The following KCNT2 variants were observed in gnomAD, a reference collection of about 807,000 sequenced individuals.
KCNT2 encodes potassium sodium-activated channel subfamily T member 2.
Under a neutral mutation model 153.8 loss-of-function variants are expected in KCNT2, and 67 were observed. The observed-to-expected ratio is 0.44, with a 90% confidence interval of 0.36 to 0.53. The LOEUF is 0.53. Ranked by LOEUF, KCNT2 falls within the 20% of genes least tolerant of loss-of-function variation. The pLI is 0.00. For missense variants in KCNT2, 975 were observed against 1,354.8 expected, an observed-to-expected ratio of 0.72 and a Z score of 4.40; for synonymous variants, 500 against 458.8, an observed-to-expected ratio of 1.09 and a Z score of -1.15.
chr1:196,445,095 A>G (rs1242821829), intron 8 of KCNT2, among the ~76,000 whole-genome samples: 1 of 151,448 alleles, frequency 6.6e-6, no homozygotes, highest in Non-Finnish European at 1.5e-5. Context: ...TGTATATCCA[A>G]GAAATAATAT....
intron 1 of KCNT2, among the ~76,000 whole-genome samples, chr1:196,500,804 C>A (rs1201722537): frequency 1.3e-5 from 2 of 152,120 alleles, no homozygotes; most frequent in African/African-American, 4.8e-5. Flanking sequence ...ATGCATCCAA[C>A]AAAGGGCTAA....
chr1:196,244,968 T>C (rs761073031), intron 26 of KCNT2, among the ~76,000 whole-genome samples: 1 of 152,112 alleles, frequency 6.6e-6, no homozygotes, highest in Non-Finnish European at 1.5e-5. Context: ...GGTGCTTGTG[T>C]TATCCCTTCC....
At chr1:196,321,750 G>T (rs1663335571) in intron 19 of KCNT2, among the ~76,000 whole-genome samples, 1 of 151,712 alleles carries the variant, frequency 6.6e-6, no homozygotes, top group South Asian at 2.1e-4. Context: ...ATTTAATTTA[G>T]CATAATAGAT....
At chr1:196,328,259 A>G (rs779805086) in intron 18 of KCNT2, among the ~76,000 whole-genome samples, 19 of 152,134 alleles carry the variant, frequency 1.2e-4, no homozygotes, top group Non-Finnish European at 2.5e-4. Flanking sequence ...TATTTAAATT[A>G]CACTTAAGAT....
intron 24 of KCNT2, among the ~76,000 whole-genome samples, chr1:196,281,368 A>C (rs1362231498): frequency 1.3e-5 from 2 of 152,186 alleles, no homozygotes; most frequent in African/African-American, 4.8e-5. Context: ...GGGAAATGTA[A>C]AGCATATGGA....
chr1:196,365,222 T>C (rs758387489), intron 14 of KCNT2, among the ~76,000 whole-genome samples: 41 of 152,114 alleles, frequency 2.7e-4, no homozygotes, highest in Non-Finnish European at 2.5e-4. Flanking sequence ...CTGATACCTA[T>C]ATTTTAATCT....
intron 1 of KCNT2, among the ~76,000 whole-genome samples, chr1:196,496,751 T>C (rs549940544): frequency 2.6e-5 from 4 of 152,310 alleles, no homozygotes; most frequent in African/African-American, 7.2e-5. Flanking sequence ...GGATCCCACC[T>C]GGACGGGACG....
Position 196,226,205 on chromosome 1 carries a change from G to A in KCNT2, c.*2019C>T, listed in dbSNP as rs1481787009. The A allele has an allele frequency of 1.3e-5, 2 of 151,492 alleles. No individual in the cohort carries two copies. The highest frequency in any genetic ancestry group is 2.9e-5 in the Non-Finnish European group (2 of 67,798). The allele number at this position is 151,492 out of a possible 1,614,324, so 9.4% of individuals were successfully genotyped here. A position where few individuals can be genotyped will look rare whatever the true frequency, so the allele number is the denominator to read the frequency against. ...AAATACCAAACTTCAGATCTTGTGG[G>A]GAAATAAAAGATTTGTAAAATCTTA... On this transcript the variant is annotated 3_prime_UTR_variant, in exon 28 of 28. Transcript: ENST00000294725.
intron 20 of KCNT2, among the ~76,000 whole-genome samples, chr1:196,317,970 T>C (rs904215681): frequency 7.2e-5 from 11 of 151,844 alleles, no homozygotes; most frequent in African/African-American, 2.7e-4. Flanking sequence ...GATTATATTA[T>C]TATTTTTCTA....
intron 1 of KCNT2, among the ~76,000 whole-genome samples, chr1:196,558,520 A>C (rs1658981393): frequency 1.3e-5 from 2 of 151,424 alleles, no homozygotes; most frequent in Non-Finnish European, 3.0e-5. Context: ...AACCAGTGCA[A>C]CAAGGCAATT....
At chr1:196,589,618 T>C (rs1663101418) in intron 1 of KCNT2, among the ~76,000 whole-genome samples, 1 of 152,096 alleles carries the variant, frequency 6.6e-6, no homozygotes. Context: ...CTCCCTTTCT[T>C]ATAAAAGTAT....
chr1:196,489,751 T>C, intron 3 of KCNT2, 87 bp downstream of exon 3: 1 of 755,610 alleles, frequency 1.3e-6, no homozygotes, highest in Non-Finnish European at 2.2e-6. Context: ...AAAATTAAGC[T>C]CTACACAACA....
chr1:196,239,660 T>C (rs1475925147), intron 26 of KCNT2, among the ~76,000 whole-genome samples: 1 of 152,060 alleles, frequency 6.6e-6, no homozygotes, highest in Admixed American at 6.6e-5. Context: ...TGAAAGAGGA[T>C]AATAGAATTT....
intron 1 of KCNT2, among the ~76,000 whole-genome samples, chr1:196,492,547 G>C (rs563473968): frequency 1.3e-5 from 2 of 152,176 alleles, no homozygotes; most frequent in South Asian, 2.1e-4. Context: ...CTGATTTAGA[G>C]AGAAGCAATT....
At chr1:196,585,662 AAG>A (rs1288218462) in intron 1 of KCNT2, among the ~76,000 whole-genome samples, 5 of 152,116 alleles carry the variant, frequency 3.3e-5, no homozygotes, top group African/African-American at 1.2e-4. Context: ...CAGAGCAAGA[AAG>A]AGAATGGGAT....
chr1:196,318,186 A>T (rs997805005), intron 20 of KCNT2, among the ~76,000 whole-genome samples: 1 of 151,648 alleles, frequency 6.6e-6, no homozygotes, highest in Non-Finnish European at 1.5e-5. Context: ...CTCCCTTTCT[A>T]TCCCTCTCTA....
At chr1:196,258,087 A>T (rs1656672954) in intron 26 of KCNT2, 107 bp downstream of exon 26, 1 of 1,466,726 alleles carries the variant, frequency 6.8e-7, no homozygotes, top group South Asian at 1.4e-5. Context: ...CTACTAATTG[A>T]CCTGTGAAGC....
chr1:196,501,732 C>G (rs1023259141), intron 1 of KCNT2, among the ~76,000 whole-genome samples: 2 of 152,188 alleles, frequency 1.3e-5, no homozygotes, highest in Non-Finnish European at 2.9e-5. Flanking sequence ...ACTTGTTCCT[C>G]TTAAATCTAT....
At chr1:196,443,672 C>T (rs1282928699) in intron 8 of KCNT2, among the ~76,000 whole-genome samples, 1 of 151,578 alleles carries the variant, frequency 6.6e-6, no homozygotes, top group Non-Finnish European at 1.5e-5. Flanking sequence ...AAGCGTTAAG[C>T]TACTGTGCTC....
Sources: gnomAD v4.1 joint callset for allele counts (sites outside exome capture counted in the v4.1 genomes callset) on GRCh38, gnomAD v4.1.1 for gene constraint, MANE v1.5 for transcripts, NCBI Gene and HGNC (gene_info 2026-07-23, HGNC 2026-07-21) for gene names.